Variants in SLA observed in about 807,000 individuals in gnomAD.
The protein encoded by SLA is Src like adaptor.
SLA carries 16 observed loss-of-function variants against 30.3 expected under a neutral mutation model. The observed-to-expected ratio is 0.53, with a 90% CI of 0.36 to 0.80. The LOEUF (loss-of-function observed/expected upper bound fraction) is 0.80. Among genes scored for constraint, SLA ranks in the 30% least tolerant of loss-of-function variants. The pLI, the probability that SLA is intolerant of heterozygous loss-of-function variation, is 0.01. For missense variants in SLA, 310 were observed against 345.2 expected (o/e 0.90, Z 0.81); for synonymous variants, 143 against 137.8 (o/e 1.04, Z -0.26).
At chr8:133,084,214 A>G (rs1588039626) in intron 1 of SLA, among the ~76,000 whole-genome samples, 1 of 152,170 alleles carries the variant, frequency 6.6e-6, no homozygotes, top group Non-Finnish European at 1.5e-5. Flanking sequence ...GGGCTACTGG[A>G]AGGAAAATAG....
chr8:133,078,425 G>A (rs57893191), intron 1 of SLA, among the ~76,000 whole-genome samples: 3,686 of 152,248 alleles, frequency 0.024, 154 homozygotes, highest in African/African-American at 0.084. Context: ...TGTCTTCCCT[G>A]CTCCTCCACC....
intron 3 of SLA, among the ~76,000 whole-genome samples, chr8:133,055,197 G>T (rs927465467): frequency 1.3e-5 from 2 of 152,106 alleles, no homozygotes; most frequent in Non-Finnish European, 2.9e-5. Flanking sequence ...AGTTGTCAGG[G>T]TTAGCATAAG....
chr8:133,044,275 T>C (rs547246811), intron 7 of SLA, among the ~76,000 whole-genome samples: 1 of 152,168 alleles, frequency 6.6e-6, no homozygotes, highest in African/African-American at 2.4e-5. Flanking sequence ...AACTCAACTT[T>C]CTCTCTCTGG....
rs1220949015 is a variant in SLA, at chr8:133,037,069, A to G, written c.*1455T>C. 1 of 152,268 alleles carries G rather than the reference A, an allele frequency of 6.6e-6. No individual in the cohort carries two copies. The highest frequency in any genetic ancestry group is 1.5e-5 in the Non-Finnish European group (1 of 68,048). 9.4% of individuals were successfully genotyped at this position (152,268 alleles called of 1,614,324 possible). A position where few individuals can be genotyped will look rare whatever the true frequency, so the allele number is the denominator to read the frequency against. On this transcript the variant is annotated 3_prime_UTR_variant, in exon 9 of 9. Transcript: ENST00000338087. ...GATACAGAAAACTGTGTAACTGCAC[A>G]TACACATACCAGTAGCACGATGAGC...
chr8:133,080,629 C>T (rs1845602929), intron 1 of SLA, among the ~76,000 whole-genome samples: 1 of 152,200 alleles, frequency 6.6e-6, no homozygotes, highest in South Asian at 2.1e-4. Flanking sequence ...TCACCCCTTT[C>T]CTGGCATTCA....
At chr8:133,098,322 A>G (rs1175367063) in intron 1 of SLA, among the ~76,000 whole-genome samples, 2 of 152,242 alleles carry the variant, frequency 1.3e-5, no homozygotes, top group Non-Finnish European at 2.9e-5. Context: ...CTGAATTATT[A>G]TAAACCCTTT....
intron 1 of SLA, among the ~76,000 whole-genome samples, chr8:133,075,841 A>G (rs773490016): frequency 6.6e-6 from 1 of 152,120 alleles, no homozygotes; most frequent in Non-Finnish European, 1.5e-5. Flanking sequence ...AAATGTTAAT[A>G]CTTGGTGAGC....
chr8:133,060,184 C>T lies in SLA; in HGVS notation c.-24G>A. ...ATTTCTTTCTTTTTCCCTGGGGCCGCTGGTGATGCCCAGAGCCTGTGGTAT... is the reference window on the plus strand; with the variant it reads ...ATTTCTTTCTTTTTCCCTGGGGCCGTTGGTGATGCCCAGAGCCTGTGGTAT... On this transcript the variant is annotated 5_prime_UTR_variant, in exon 3 of 9. Transcript: ENST00000338087. The T allele has an allele frequency of 6.2e-7, 1 of 1,613,106 alleles. No homozygotes were observed. Among genetic ancestry groups the T allele is most frequent in the Non-Finnish European group, 8.5e-7 (1 of 1,179,608 alleles).
At chr8:133,042,072 C>A (rs1838359356) in intron 7 of SLA, among the ~76,000 whole-genome samples, 1 of 152,088 alleles carries the variant, frequency 6.6e-6, no homozygotes, top group South Asian at 2.1e-4. Context: ...CAGGTGTGAG[C>A]CACCACACCC....
chr8:133,049,857 C>A, intron 5 of SLA, 45 bp downstream of exon 5: 2 of 1,197,946 alleles, frequency 1.7e-6, no homozygotes, highest in Non-Finnish European at 2.5e-6. Context: ...GAGTCACCAG[C>A]ATACGCATCA....
intron 1 of SLA, among the ~76,000 whole-genome samples, chr8:133,084,974 T>A (rs1363611667): frequency 6.6e-6 from 1 of 152,222 alleles, no homozygotes; most frequent in Non-Finnish European, 1.5e-5. Flanking sequence ...GACAAAGTCA[T>A]TTACCCTCTC....
rs1840194114 is a variant in SLA, at chr8:133,050,474, AC to A, written c.161+341del. On this transcript the variant is annotated intron_variant, in intron 4 of 8. Transcript: ENST00000338087. ...TTTTTCTCATCCGAAGGATTTCCAG[AC>A]CCTGGGGGCTGCCTTCCCGGTCTTC... 5 of 257,544 alleles carry A rather than the reference AC, an allele frequency of 1.9e-5. No homozygotes were observed. The South Asian group carries it at 3.5e-4, about 18-fold the overall frequency. The allele number at this position is 257,544 out of a possible 1,614,324, so 16.0% of individuals were successfully genotyped here.
intron 1 of SLA, among the ~76,000 whole-genome samples, chr8:133,094,269 C>A (rs1448274728): frequency 3.4e-5 from 4 of 118,634 alleles, no homozygotes; most frequent in Non-Finnish European, 5.2e-5. Context: ...TTGATGGAGT[C>A]TTGCTCTGTT....
rs114539802 is a variant in SLA at position 133,096,340 on chromosome 8, C to T, written c.-319+6213G>A. 10,070 of 1,614,118 alleles carry T rather than the reference C, an allele frequency of 6.2e-3. 67 individuals carry two copies. The highest frequency in any genetic ancestry group is 6.4e-3 in the Non-Finnish European group (7,590 of 1,180,038). On this transcript the variant is annotated intron_variant, in intron 1 of 8. Coordinates refer to ENST00000338087, the MANE Select transcript of SLA (RefSeq NM_001045556.3). ...ATCTGCTCATTGGGAGTTCTCAGGA[C>T]GACGGGCTCATCAACAGAGCAAAGG...
chr8:133,086,224 T>C (rs1487147254), intron 1 of SLA, among the ~76,000 whole-genome samples: 2 of 152,206 alleles, frequency 1.3e-5, no homozygotes, highest in African/African-American at 4.8e-5. Flanking sequence ...GGGGAATGAC[T>C]GCTAATGGGT....
intron 1 of SLA, chr8:133,095,228 T>C (rs1170343267): frequency 9.9e-6 from 16 of 1,614,082 alleles, no homozygotes; most frequent in Non-Finnish European, 1.4e-5. Flanking sequence ...TAAGTGCAAG[T>C]TGGGAAGGGA....
chr8:133,041,266 C>G (rs1318339889), intron 7 of SLA, among the ~76,000 whole-genome samples: 2 of 152,256 alleles, frequency 1.3e-5, no homozygotes, highest in South Asian at 2.1e-4. Context: ...ACAGGCCCCA[C>G]TTCCCATCGG....
At chr8:133,055,357 GCACGCGCGCACACACACA>G (rs1564126257) in intron 3 of SLA, among the ~76,000 whole-genome samples, 1 of 59,894 alleles carries the variant, frequency 1.7e-5, no homozygotes. Context: ...ACACACACAC[GCACGCGCGCACACACACA>G]CACACACACA....
At chr8:133,086,460 A>G (rs1318661329) in intron 1 of SLA, among the ~76,000 whole-genome samples, 1 of 152,232 alleles carries the variant, frequency 6.6e-6, no homozygotes, top group Non-Finnish European at 1.5e-5. Flanking sequence ...TTCTTCTTTA[A>G]TACGGATGTT....
Sources: gnomAD v4.1 joint callset for allele counts (sites outside exome capture counted in the v4.1 genomes callset) on GRCh38, gnomAD v4.1.1 for gene constraint, MANE v1.5 for transcripts, NCBI Gene and HGNC (gene_info 2026-07-23, HGNC 2026-07-21) for gene names.